Variants in PRICKLE3 observed in about 807,000 individuals in gnomAD.
The protein encoded by PRICKLE3 is LIM domain only protein 6.
PRICKLE3 carries 17 observed loss-of-function variants against 33.8 expected under a neutral mutation model. The ratio of observed to expected loss-of-function variants is 0.50; its 90% CI spans 0.34 to 0.75. The LOEUF is 0.75. Ranked by LOEUF, PRICKLE3 falls within the 30% of genes least tolerant of loss-of-function variation. The pLI is 0.01. For synonymous variants in PRICKLE3, 211 were observed against 219.6 expected (o/e 0.96, Z 0.34); for missense variants, 573 against 576.7 (o/e 0.99, Z 0.07).
At chrX:49,184,862 G>A in intron 1 of PRICKLE3, 152 bp from the exon 2 acceptor site, 1 of 1,156,665 alleles carries the variant, frequency 8.6e-7, no homozygotes, top group Non-Finnish European at 1.2e-6. Flanking sequence ...AGCGCCCAGA[G>A]TGCGGGGGAG....
chrX:49,178,930 G>A (rs1022288218), intron 5 of PRICKLE3, among the ~76,000 whole-genome samples: 2 of 112,458 alleles, frequency 1.8e-5, no homozygotes, highest in Non-Finnish European at 3.8e-5. Context: ...CTGACCACAG[G>A]AGGACCAAAG....
chrX:49,181,427 G>A (rs782792694), intron 3 of PRICKLE3, among the ~76,000 whole-genome samples: 10 of 90,614 alleles, frequency 1.1e-4, no homozygotes, highest in Admixed American at 1.1e-3. Context: ...ATTATTATAC[G>A]TATATTATTT....
intron 2 of PRICKLE3, 110 bp from the exon 3 acceptor site, chrX:49,184,027 T>C: frequency 2.1e-6 from 2 of 968,515 alleles, no homozygotes; most frequent in Middle Eastern, 3.3e-4. Context: ...CCACCAAAGG[T>C]CTGTGAGCAG....
rs1381786495 is a variant in PRICKLE3 at position 49,175,500 on chromosome X, C to T, written c.*173G>A. 8 of 493,373 alleles carry T rather than the reference C, an allele frequency of 1.6e-5. No homozygotes were observed. Among genetic ancestry groups the T allele is most frequent in the Non-Finnish European group, 2.3e-5 (7 of 303,341 alleles). The allele number at this position is 493,373 out of a possible 1,213,427, so 40.7% of individuals were successfully genotyped here. On this transcript the variant is annotated 3_prime_UTR_variant, in exon 9 of 9. Coordinates refer to ENST00000599218, the MANE Select transcript of PRICKLE3 (RefSeq NM_006150.5). Reference sequence around the variant, plus strand: ...TCACACCACTGCACTCCAGCCTGGGCAATAGGGTAGACCAAGTCTCTAAAA... The same window carrying T: ...TCACACCACTGCACTCCAGCCTGGGTAATAGGGTAGACCAAGTCTCTAAAA...
At chrX:49,181,557 A>G (rs1335923891) in intron 3 of PRICKLE3, among the ~76,000 whole-genome samples, 1 of 89,226 alleles carries the variant, frequency 1.1e-5, no homozygotes, top group Non-Finnish European at 2.2e-5. Context: ...ATGTGTATAT[A>G]TATACACGTA....
At chrX:49,177,302 AG>A in intron 7 of PRICKLE3, 100 bp from the exon 8 acceptor site, 1 of 902,305 alleles carries the variant, frequency 1.1e-6, no homozygotes, top group Non-Finnish European at 1.5e-6. Context: ...GGGGAATCCG[AG>A]GCAGGGCACC....
At position 49,179,287 on chromosome X, in the gene PRICKLE3, G is replaced by A. The variant is rs2065436304; in HGVS notation, c.528C>T (p.Ile176=). The A allele has an allele frequency of 8.3e-7, 1 of 1,209,653 alleles. No individual in the cohort carries two copies. The highest frequency in any genetic ancestry group is 2.2e-5 in the Admixed American group (1 of 45,752). Residue 176 remains isoleucine, a synonymous_variant, in exon 5 of 9, where the codon ATC becomes ATT. Coordinates refer to ENST00000599218, the MANE Select transcript of PRICKLE3 (RefSeq NM_006150.5). ...RENLGRGIVR[I]FPVTITGAIC... ...TGGCCCCAGTGATGGTCACCGGGAA[G>A]ATGCGCACGATGCCACGCCCCAGAT...
rs150647124 is a variant in PRICKLE3 at position 49,179,291 on chromosome X, C to T, written c.524G>A (p.Arg175His). Reference sequence around the variant, plus strand: ...CCCAGTGATGGTCACCGGGAAGATGCGCACGATGCCACGCCCCAGATTCTC... The same window carrying T: ...CCCAGTGATGGTCACCGGGAAGATGTGCACGATGCCACGCCCCAGATTCTC... Reference protein sequence around the residue: ...KRENLGRGIVRIFPVTITGAI... With the variant: ...KRENLGRGIVHIFPVTITGAI... Residue 175 changes from arginine to histidine, a missense_variant, in exon 5 of 9, where the codon CGC becomes CAC. By Grantham distance (29) the Arg-to-His change is conservative (BLOSUM62 0). Coordinates refer to ENST00000599218, the MANE Select transcript of PRICKLE3 (RefSeq NM_006150.5). 2.9e-4 allele frequency: 348 copies of T among 1,209,461 alleles called. 4 individuals carry two copies. In the African/African-American group the frequency reaches 5.5e-3, roughly 19 times the overall value.
Position 49,183,776 on chromosome X carries a change from C to T in PRICKLE3, c.270G>A (p.Ser90=), listed in dbSNP as rs2065468973. The part of the protein sequence containing the change: ...SISDDDSGCA[S]EEYAWVPPGL... The stretch of plus-strand genomic sequence containing the variant: ...CTGGGGGCACCCAGGCATACTCCTC[C>T]GATGCACAGCCTGAGTCGTCGTCGG... Residue 90 remains serine (S), a synonymous_variant, in exon 3 of 9, where the codon TCG becomes TCA. Transcript: ENST00000599218. 2 of 1,211,544 alleles carry T rather than the reference C, an allele frequency of 1.7e-6. No individual in the cohort carries two copies. The highest frequency in any genetic ancestry group is 3.0e-5 in the East Asian group (1 of 33,802).
chrX:49,175,664 G>C lies in PRICKLE3; in HGVS notation c.*9C>G. 1.7e-6 allele frequency: 2 copies of C among 1,199,886 alleles called. No homozygotes were observed. ...TGGAGAATGGAGCCCCCTCCAGGAC[G>C]GCCTGCCTTCAAGCCACGATGCAGT... On this transcript the variant is annotated 3_prime_UTR_variant, in exon 9 of 9. Transcript: ENST00000599218.
At chrX:49,177,292 G>T in intron 7 of PRICKLE3, 90 bp from the exon 8 acceptor site, 1 of 967,138 alleles carries the variant, frequency 1.0e-6, no homozygotes, top group Non-Finnish European at 1.4e-6. Context: ...AAGAAGAGGT[G>T]GGGAATCCGA....
At chrX:49,176,579 G>C (rs782572049) in intron 8 of PRICKLE3, among the ~76,000 whole-genome samples, 1 of 109,065 alleles carries the variant, frequency 9.2e-6, no homozygotes, top group Admixed American at 9.8e-5. Context: ...AATAAAAGGG[G>C]TGGGGCCTGA....
intron 3 of PRICKLE3, among the ~76,000 whole-genome samples, chrX:49,181,501 A>ATATATATGTGTATATATACG (rs2065450420): frequency 1.1e-5 from 1 of 92,834 alleles, no homozygotes; most frequent in African/African-American, 3.9e-5. Context: ...ACATATGTGT[A>ATATATATGTGTATATATACG]TATATATGTG....
chrX:49,180,274 C>T (rs782600345), intron 3 of PRICKLE3, among the ~76,000 whole-genome samples: 1 of 109,989 alleles, frequency 9.1e-6, no homozygotes, highest in African/African-American at 3.3e-5. Context: ...TCAAGTGATC[C>T]GCCTGCCTTG....
chrX:49,179,295 C>A lies in PRICKLE3; in HGVS notation c.520G>T (p.Val174Leu). ...GTGATGGTCACCGGGAAGATGCGCA[C>A]GATGCCACGCCCCAGATTCTCCCGC... The part of the protein sequence containing the change: ...RKRENLGRGI[V>L]RIFPVTITGA... Residue 174 changes from valine to leucine, a missense_variant, in exon 5 of 9, where the codon GTG becomes TTG. By Grantham distance (32) the Val-to-Leu change is conservative (BLOSUM62 1). Coordinates refer to ENST00000599218, the MANE Select transcript of PRICKLE3 (RefSeq NM_006150.5). 8.3e-7 allele frequency: 1 copy of A among 1,211,290 alleles called. No individual in the cohort carries two copies. The highest frequency in any genetic ancestry group is 1.1e-6 in the Non-Finnish European group (1 of 895,262).
In PRICKLE3 at chrX:49,176,190, C is replaced by T. The variant is rs782185722; in HGVS notation, c.1331G>A (p.Arg444His). The change falls in exon 9 of 9, where the codon CGC (arginine) becomes CAC (histidine). Residue 444 changes from arginine (R) to histidine (H), a missense_variant. By Grantham distance (29) the Arg-to-His change is conservative (BLOSUM62 0). Transcript: ENST00000599218. ...HRHSMPELGL[R>H]SVPEPPPESP... ...CTCTGGGGGCGGCTCGGGGACACTG[C>T]GGAGCCCCAGTTCCGGCATGGAGTG... 5 of 1,172,713 alleles carry T rather than the reference C, an allele frequency of 4.3e-6. No individual in the cohort carries two copies. The highest frequency in any genetic ancestry group is 3.6e-5 in the African/African-American group (2 of 56,101).
At chrX:49,184,863 T>G in intron 1 of PRICKLE3, 153 bp from the exon 2 acceptor site, 1 of 1,155,379 alleles carries the variant, frequency 8.7e-7, no homozygotes, top group Admixed American at 2.6e-5. Flanking sequence ...GCGCCCAGAG[T>G]GCGGGGGAGC....
intron 7 of PRICKLE3, 39 bp from the exon 8 acceptor site, chrX:49,177,241 C>T (rs1569526226): frequency 9.2e-7 from 1 of 1,091,584 alleles, no homozygotes; most frequent in African/African-American, 1.8e-5. Flanking sequence ...GAGGCAGAAC[C>T]CCCAGGCGTA....
At chrX:49,181,454 TA>T (rs1462811708) in intron 3 of PRICKLE3, among the ~76,000 whole-genome samples, 1 of 93,999 alleles carries the variant, frequency 1.1e-5, no homozygotes, top group Non-Finnish European at 2.1e-5. Flanking sequence ...ATTATATACG[TA>T]AAATAATTAT....
Sources: allele counts gnomAD v4.1 joint callset (sites outside exome capture counted in the v4.1 genomes callset), GRCh38; gene constraint gnomAD v4.1.1; transcripts MANE v1.5; gene names NCBI Gene and HGNC (gene_info 2026-07-23, HGNC 2026-07-21).